Variants in MYBPC2 observed in about 807,000 individuals in gnomAD.
MYBPC2 encodes myosin binding protein C2.
MYBPC2 carries 122 observed loss-of-function variants against 137.0 expected under a neutral mutation model. That is an observed-to-expected ratio of 0.89 (90% confidence interval 0.77 to 1.03). The LOEUF (loss-of-function observed/expected upper bound fraction) is 1.03, where lower values mean the gene tolerates loss of function less well. MYBPC2 is among the 50% of genes least tolerant of loss of function. The pLI, the probability that MYBPC2 is intolerant of heterozygous loss-of-function variation, is 0.00. For missense variants in MYBPC2, 1,500 were observed against 1,534.4 expected (o/e 0.98, Z 0.37); for synonymous variants, 626 against 612.3 (o/e 1.02, Z -0.33).
chr19:50,459,316 C>T lies in MYBPC2; in HGVS notation c.2791+10C>T, dbSNP rs1342308244. On this transcript the variant is annotated intron_variant, in intron 23 of 27. Coordinates refer to ENST00000357701, the MANE Select transcript of MYBPC2 (RefSeq NM_004533.4). ...CGCATCCGCGTTGTGGGTGCGCGCG[C>T]TGGGGAGGGCCCCTGGAGGCCGGGA... 3.4e-6 allele frequency: 5 copies of T among 1,483,946 alleles called. No individual in the cohort carries two copies. The African/African-American group carries it at 4.5e-5, about 13-fold the overall frequency. The allele number at this position is 1,483,946 out of a possible 1,614,324, so 91.9% of individuals were successfully genotyped here.
At chr19:50,455,478 C>A in intron 19 of MYBPC2, 32 bp from the exon 20 acceptor site, 3 of 1,600,626 alleles carry the variant, frequency 1.9e-6, no homozygotes, top group Non-Finnish European at 2.6e-6. Flanking sequence ...CCCCTCATTC[C>A]CCCCATATCC....
In MYBPC2 at chr19:50,442,169, C is replaced by A. The variant is rs1210477168; in HGVS notation, c.770-12C>A. 6.3e-7 allele frequency: 1 copy of A among 1,581,832 alleles called. No individual in the cohort carries two copies. Among genetic ancestry groups the A allele is most frequent in the Non-Finnish European group, 8.6e-7 (1 of 1,164,184 alleles). ...ACACGCCTCCATCCCCTTTGCATGC[C>A]TCAATCTTCAGCATTCACAAAGAAG... On this transcript the variant is annotated splice_polypyrimidine_tract_variant and intron_variant, in intron 8 of 27. Transcript: ENST00000357701.
At chr19:50,463,781 A>C (rs12460119) in intron 26 of MYBPC2, among the ~76,000 whole-genome samples, 9,641 of 152,110 alleles carry the variant, frequency 0.063, 862 homozygotes, top group African/African-American at 0.19. Flanking sequence ...TCTACTAAAA[A>C]TACAAAAACT....
intron 7 of MYBPC2, among the ~76,000 whole-genome samples, 186 bp from the exon 8 acceptor site, chr19:50,440,694 G>T (rs898094386): frequency 6.6e-6 from 1 of 151,680 alleles, no homozygotes; most frequent in African/African-American, 2.4e-5. Context: ...ACCCAGTGGG[G>T]ACTGTGCTGG....
intron 24 of MYBPC2, among the ~76,000 whole-genome samples, chr19:50,461,006 T>A (rs796505795): frequency 1.3e-3 from 152 of 113,488 alleles, no homozygotes; most frequent in Middle Eastern, 5.0e-3. Context: ...TTCTTTTAAA[T>A]TTTTTTTTTT....
At chr19:50,456,361 C>T (rs563328347) in intron 20 of MYBPC2, among the ~76,000 whole-genome samples, 1 of 128,874 alleles carries the variant, frequency 7.8e-6, no homozygotes, top group East Asian at 2.2e-4. Flanking sequence ...TCCATCCATC[C>T]ATCTGTCCAT....
At chr19:50,458,116 C>A (rs1487844171) in intron 20 of MYBPC2, among the ~76,000 whole-genome samples, 2 of 151,388 alleles carry the variant, frequency 1.3e-5, no homozygotes, top group African/African-American at 4.8e-5. Flanking sequence ...TCAAGAGCAT[C>A]CTGGCCAACA....
chr19:50,435,715 C>A lies in MYBPC2; in HGVS notation c.110-61C>A. The A allele has an allele frequency of 7.1e-7, 1 of 1,411,820 alleles. No individual in the cohort carries two copies. Among genetic ancestry groups the A allele is most frequent in the Non-Finnish European group, 9.7e-7 (1 of 1,036,130 alleles). The allele number at this position is 1,411,820 out of a possible 1,614,324, so 87.5% of individuals were successfully genotyped here. A position where few individuals can be genotyped will look rare whatever the true frequency, so the allele number is the denominator to read the frequency against. On this transcript the variant is annotated intron_variant, in intron 2 of 27. Coordinates refer to ENST00000357701, the MANE Select transcript of MYBPC2 (RefSeq NM_004533.4). This position sits in a 1 kb window ranked among gnomAD's most constrained non-coding sequence, Gnocchi z 4.8. ...TCTCTAAGTCCTTTCCCCAAAGCGGCCCACTGTCCCCTCCCCAGCCTATCT... is the reference window on the plus strand; with the variant it reads ...TCTCTAAGTCCTTTCCCCAAAGCGGACCACTGTCCCCTCCCCAGCCTATCT...
chr19:50,442,357 C>T (rs1169031662), intron 9 of MYBPC2, 44 bp downstream of exon 9: 7 of 1,591,268 alleles, frequency 4.4e-6, no homozygotes, highest in Non-Finnish European at 6.0e-6. Context: ...AGATCCCCGT[C>T]CAGAGAGAAC....
Position 50,454,065 on chromosome 19 carries a change from G to A in MYBPC2, c.1795G>A (p.Asp599Asn). ...CAGGACCCGCATCGAGAAGCGGGTG[G>A]ACTGCAGCAGCTTTGTGATTGAGAG... is the stretch of plus-strand genomic sequence containing the variant. ...EGRTRIEKRV[D>N]CSSFVIESAQ... Residue 599 changes from aspartate to asparagine, a missense_variant, in exon 17 of 28, where the codon GAC becomes AAC. Transcript: ENST00000357701. The A allele has an allele frequency of 1.2e-6, 2 of 1,609,834 alleles. No homozygotes were observed. The highest frequency in any genetic ancestry group is 1.7e-6 in the Non-Finnish European group (2 of 1,178,248).
chr19:50,452,058 T>C lies in MYBPC2; in HGVS notation c.1749+55T>C, dbSNP rs75644417. The C allele has an allele frequency of 7.6e-4, 1,152 of 1,513,544 alleles. 1 individual carries two copies. The highest frequency in any genetic ancestry group is 9.8e-4 in the Non-Finnish European group (1,087 of 1,113,680). The allele number at this position is 1,513,544 out of a possible 1,614,324, so 93.8% of individuals were successfully genotyped here. A position where few individuals can be genotyped will look rare whatever the true frequency, so the allele number is the denominator to read the frequency against. On this transcript the variant is annotated intron_variant, in intron 16 of 27. Transcript: ENST00000357701. ...TCCCTTTCCGTTTAGGCAAGTCTCTTTCCCCCTGAGCCTGAGTTTCATCCT... is the reference window on the plus strand; with the variant it reads ...TCCCTTTCCGTTTAGGCAAGTCTCTCTCCCCCTGAGCCTGAGTTTCATCCT...
At chr19:50,458,401 C>G (rs185265850) in intron 20 of MYBPC2, among the ~76,000 whole-genome samples, 186 bp from the exon 21 acceptor site, 47 of 151,470 alleles carry the variant, frequency 3.1e-4, no homozygotes, top group Non-Finnish European at 6.0e-4. Flanking sequence ...AATGAGCGAA[C>G]AGAATGGCCA....
Position 50,435,356 on chromosome 19 carries a change from C to T in MYBPC2, c.109+106C>T, listed in dbSNP as rs957974811. The stretch of plus-strand genomic sequence containing the variant: ...CAGCCTCTATCCTTGAATCTGTCCC[C>T]GCACAGCCCCAGGGCTGACCCACGC... On this transcript the variant is annotated intron_variant, in intron 2 of 27. Transcript: ENST00000357701. This position sits in a 1 kb window ranked among gnomAD's most constrained non-coding sequence, Gnocchi z 4.8. 7 of 685,068 alleles carry T rather than the reference C, an allele frequency of 1.0e-5. No individual in the cohort carries two copies. The highest frequency in any genetic ancestry group is 5.5e-5 in the African/African-American group (3 of 54,962). The allele number at this position is 685,068 out of a possible 1,614,324, so 42.4% of individuals were successfully genotyped here.
rs61464350 is a variant in MYBPC2 at position 50,435,269 on chromosome 19, G to C, written c.109+19G>C. 0.015 allele frequency: 14,529 copies of C among 945,026 alleles called. 1,291 individuals are homozygous for C. The African/African-American group carries it at 0.2, about 13-fold the overall frequency. The allele number at this position is 945,026 out of a possible 1,614,324, so 58.5% of individuals were successfully genotyped here. A position where few individuals can be genotyped will look rare whatever the true frequency, so the allele number is the denominator to read the frequency against. On this transcript the variant is annotated intron_variant, in intron 2 of 27. Transcript: ENST00000357701. The surrounding 1 kb of genome is among the most constrained non-coding windows in gnomAD (Gnocchi z 4.8). Reference sequence around the variant, plus strand: ...CCCAAAGGTGAGGAGGTGCTCCCTCGGGCTCAACCGACCTGGCTTCTCATC... The same window carrying C: ...CCCAAAGGTGAGGAGGTGCTCCCTCCGGCTCAACCGACCTGGCTTCTCATC...
intron 11 of MYBPC2, among the ~76,000 whole-genome samples, chr19:50,444,018 C>T (rs1207859676): frequency 6.6e-6 from 1 of 152,184 alleles, no homozygotes; most frequent in Non-Finnish European, 1.5e-5. Context: ...CTCTACCTAT[C>T]CTATCCTCTT....
chr19:50,462,109 C>T, intron 26 of MYBPC2, 73 bp downstream of exon 26: 1 of 1,474,530 alleles, frequency 6.8e-7, no homozygotes, highest in Non-Finnish European at 9.0e-7. Flanking sequence ...AAGCCCACTC[C>T]CCATCACGCC....
Position 50,454,142 on chromosome 19 carries a change from C to T in MYBPC2, c.1872C>T (p.Val624=), listed in dbSNP as rs374069546. Residue 624 remains valine (V), a synonymous_variant, in exon 17 of 28, where the codon GTC becomes GTT. Transcript: ENST00000357701. ...GRYTIKVTNP[V]GEDVASIFLQ... is the part of the protein sequence containing the mutation. ...ACACCATCAAGGTCACCAACCCCGT[C>T]GGCGAGGACGTGGCTTCCATCTTCC... 3.8e-5 allele frequency: 61 copies of T among 1,613,548 alleles called. No homozygotes were observed. Among genetic ancestry groups the T allele is most frequent in the Middle Eastern group, 1.6e-4 (1 of 6,084 alleles).
Position 50,437,476 on chromosome 19 carries a change from C to T in MYBPC2, c.467C>T (p.Pro156Leu), listed in dbSNP as rs1310193682. ...TTCTCTCATCACCTCTCCCCAGCACCCCGTCAGGATGCCTCTGGGCAGAGT... is the reference window on the plus strand; with the variant it reads ...TTCTCTCATCACCTCTCCCCAGCACTCCGTCAGGATGCCTCTGGGCAGAGT... Reference protein sequence around the residue: ...SCGFNIDVEAPRQDASGQSLE... With the variant: ...SCGFNIDVEALRQDASGQSLE... The change falls in exon 6 of 28, where the codon CCC becomes CTC. Residue 156 changes from proline to leucine, a missense_variant. Pro to Leu is a moderately conservative substitution (Grantham distance 98). Coordinates refer to ENST00000357701, the MANE Select transcript of MYBPC2 (RefSeq NM_004533.4). 1.9e-6 allele frequency: 3 copies of T among 1,610,832 alleles called. No homozygotes were observed. The highest frequency in any genetic ancestry group is 2.2e-5 in the South Asian group (2 of 90,198).
chr19:50,458,547 A>G (rs1490906063), intron 20 of MYBPC2, 40 bp from the exon 21 acceptor site: 1 of 1,601,080 alleles, frequency 6.2e-7, no homozygotes, highest in African/African-American at 1.3e-5. Context: ...GGAGGATGGG[A>G]GGAGGGCACG....
Sources: gnomAD v4.1 joint callset for allele counts (sites outside exome capture counted in the v4.1 genomes callset) on GRCh38, gnomAD v4.1.1 for gene constraint, Gnocchi (gnomAD v3.1) non-coding constraint, MANE v1.5 for transcripts, NCBI Gene and HGNC (gene_info 2026-07-23, HGNC 2026-07-21) for gene names.